DRICH1: variants seen among roughly 807,000 people sequenced by gnomAD.
DRICH1 encodes aspartate rich 1.
In DRICH1, 38 loss-of-function variants were observed where a neutral mutation model predicts 39.5. The ratio of observed to expected loss-of-function variants is 0.96; its 90% CI spans 0.74 to 1.26. DRICH1 has a LOEUF of 1.26. Ranked by LOEUF, DRICH1 falls within the 50% of genes most tolerant of loss-of-function variation. The probability of loss-of-function intolerance (pLI) is 0.00; values close to 1 mark genes in which losing one functional copy is unlikely to be tolerated. For synonymous variants in DRICH1, 84 were observed against 99.5 expected, an observed-to-expected ratio of 0.84 and a Z score of 0.93; for missense variants, 279 against 270.4, an observed-to-expected ratio of 1.03 and a Z score of -0.22.
intron 11 of DRICH1, among the ~76,000 whole-genome samples, chr22:23,611,476 C>T (rs1412942338): frequency 6.6e-6 from 1 of 151,086 alleles, no homozygotes. Flanking sequence ...ACTGCAAACT[C>T]CGCCTCCCAG....
chr22:23,609,779 C>A (rs1304663189), intron 11 of DRICH1, among the ~76,000 whole-genome samples: 2 of 152,180 alleles, frequency 1.3e-5, no homozygotes, highest in Non-Finnish European at 2.9e-5. Flanking sequence ...CTGCAAGAAG[C>A]TCAGCTCACC....
rs778597036 is a variant in DRICH1, at chr22:23,626,063, A to G, written c.209-15T>C. On this transcript the variant is annotated splice_polypyrimidine_tract_variant and intron_variant, in intron 1 of 11. Coordinates refer to ENST00000317749, the MANE Select transcript of DRICH1 (RefSeq NM_016449.4). The stretch of plus-strand genomic sequence containing the variant: ...CTCAGGGGGACCTAAAAGGACACAG[A>G]GTTAATGTCAGTGCCCTGGTGGTTG... 1.9e-6 allele frequency: 3 copies of G among 1,591,254 alleles called. No individual in the cohort carries two copies. In the East Asian group the frequency reaches 6.7e-5, roughly 36 times the overall value.
intron 11 of DRICH1, 47 bp downstream of exon 11, chr22:23,613,242 C>T: frequency 6.7e-7 from 1 of 1,486,004 alleles, no homozygotes; most frequent in Non-Finnish European, 9.4e-7. Context: ...CTGGAGGCTC[C>T]TGGGAACCTT....
the DRICH1 span, among the ~76,000 whole-genome samples, chr22:23,601,373 T>C: frequency 2.0e-5 from 3 of 152,158 alleles, no homozygotes; most frequent in African/African-American, 7.2e-5. Context: ...CTAGTCAGCA[T>C]TAAAAATGAA....
At chr22:23,628,774 C>G (rs535080765) in intron 1 of DRICH1, among the ~76,000 whole-genome samples, 1 of 152,282 alleles carries the variant, frequency 6.6e-6, no homozygotes, top group Admixed American at 6.5e-5. Flanking sequence ...CCTGTCTGCT[C>G]TGTGTCAGAG....
Position 23,619,363 on chromosome 22 carries a change from C to A in DRICH1, c.436+1G>T, listed in dbSNP as rs201474677. 1 of 780,762 alleles carries A rather than the reference C, an allele frequency of 1.3e-6. No homozygotes were observed. The highest frequency in any genetic ancestry group is 2.4e-5 in the East Asian group (1 of 41,238). The allele number at this position is 780,762 out of a possible 1,614,324, so 48.4% of individuals were successfully genotyped here. A position where few individuals can be genotyped will look rare whatever the true frequency, so the allele number is the denominator to read the frequency against. On this transcript the variant is annotated splice_donor_variant, in intron 6 of 11. Transcript: ENST00000317749. LOFTEE classifies it high-confidence loss of function. ...ACTACACACATGATCTACAGACTCA[C>A]AAGAACTGCTATCAAACCGGTAACA...
chr22:23,600,623 A>G, the DRICH1 span, among the ~76,000 whole-genome samples: 1 of 97,984 alleles, frequency 1.0e-5, no homozygotes, highest in Admixed American at 1.2e-4. Context: ...CCCCTACCCT[A>G]TGTCCCCACC....
chr22:23,582,317 C>T, the DRICH1 span, among the ~76,000 whole-genome samples: 2 of 151,610 alleles, frequency 1.3e-5, no homozygotes, highest in Non-Finnish European at 2.9e-5. Flanking sequence ...ACTCTGTTGC[C>T]CAGGCTGGAG....
intron 3 of DRICH1, 128 bp from the exon 4 acceptor site, chr22:23,622,304 A>ATT: frequency 1.2e-6 from 1 of 854,856 alleles, no homozygotes; most frequent in East Asian, 2.5e-5. Flanking sequence ...ATGCTGGGCT[A>ATT]TTCCCCTGAG....
the DRICH1 span, among the ~76,000 whole-genome samples, chr22:23,594,349 A>G: frequency 0.025 from 3,732 of 152,316 alleles, 144 homozygotes; most frequent in African/African-American, 0.085. Flanking sequence ...GAGGTGGATC[A>G]CCTGAGATCA....
chr22:23,612,343 T>G (rs935846134), intron 11 of DRICH1, among the ~76,000 whole-genome samples: 7 of 151,788 alleles, frequency 4.6e-5, no homozygotes, highest in African/African-American at 1.7e-4. Flanking sequence ...GGTGGACACC[T>G]GTAGTCCCCA....
At chr22:23,613,380 C>T (rs1927159371) in intron 10 of DRICH1, 50 bp from the exon 11 acceptor site, 2 of 1,457,304 alleles carry the variant, frequency 1.4e-6, no homozygotes, top group Admixed American at 3.3e-5. Flanking sequence ...GTGACTCACC[C>T]ACTCCTCCTA....
At chr22:23,624,323 T>A in intron 3 of DRICH1, 3 of 985,298 alleles carry the variant, frequency 3.0e-6, no homozygotes, top group African/African-American at 1.7e-5. Context: ...AGAAAAATCA[T>A]CTTTAAATAA....
intron 1 of DRICH1, among the ~76,000 whole-genome samples, chr22:23,627,856 A>C (rs189293945): frequency 0.011 from 1,706 of 152,214 alleles, 28 homozygotes; most frequent in African/African-American, 0.038. Context: ...TCCACAACTA[A>C]GCTAGATCCC....
intron 11 of DRICH1, among the ~76,000 whole-genome samples, chr22:23,609,667 G>A (rs905057400): frequency 1.3e-5 from 2 of 152,022 alleles, no homozygotes; most frequent in Admixed American, 6.5e-5. Flanking sequence ...CTCCCAGCCA[G>A]GCCCTTCCCT....
Position 23,611,910 on chromosome 22 carries a change from C to A in DRICH1, c.685+1379G>T, listed in dbSNP as rs565924484. ...TTTAAGTAATATGTTATACAAATGA[C>A]AGACTAACCACAGTGATGGAATTTT... On this transcript the variant is annotated intron_variant, in intron 11 of 11. Transcript: ENST00000317749. Among the ~76,000 whole-genome samples, 47 of 152,196 alleles carry A rather than the reference C, an allele frequency of 3.1e-4. No individual in the cohort carries two copies. In the South Asian group the frequency reaches 9.1e-3, roughly 30 times the overall value.
At chr22:23,602,425 C>T in the DRICH1 span, among the ~76,000 whole-genome samples, 1 of 151,896 alleles carries the variant, frequency 6.6e-6, no homozygotes, top group East Asian at 1.9e-4. Context: ...GGGCTCACCC[C>T]TGTAATCCCA....
chr22:23,589,253 C>T, the DRICH1 span, among the ~76,000 whole-genome samples: 2 of 152,016 alleles, frequency 1.3e-5, no homozygotes, highest in Non-Finnish European at 1.5e-5. Context: ...GAGTTCAAGA[C>T]CAGCCTGGGC....
chr22:23,601,146 G>GCGCGCACACACACA, the DRICH1 span, among the ~76,000 whole-genome samples: 2 of 146,216 alleles, frequency 1.4e-5, no homozygotes, highest in African/African-American at 5.0e-5. Flanking sequence ...ACGCACGCGC[G>GCGCGCACACACACA]CACACACACA....
Sources: gnomAD v4.1 joint callset for allele counts (sites outside exome capture counted in the v4.1 genomes callset) on GRCh38, gnomAD v4.1.1 for gene constraint, MANE v1.5 for transcripts, NCBI Gene and HGNC (gene_info 2026-07-23, HGNC 2026-07-21) for gene names.